The following NTRK3 variants were observed in gnomAD, a reference collection of about 807,000 sequenced individuals.
NTRK3 encodes the protein NT-3 growth factor receptor.
A neutral mutation model predicts 91.7 loss-of-function variants in NTRK3; 24 were observed. That is an observed-to-expected ratio of 0.26 (90% CI 0.19 to 0.37). NTRK3 has a LOEUF of 0.37. NTRK3 is among the 10% of genes least tolerant of loss of function. The pLI is 1.00. For missense variants in NTRK3, 880 were observed against 1,068.9 expected, an observed-to-expected ratio of 0.82 and a Z score of 2.46; for synonymous variants, 483 against 404.0, an observed-to-expected ratio of 1.20 and a Z score of -2.34.
intron 13 of NTRK3, among the ~76,000 whole-genome samples, chr15:88,066,969 G>A (rs939852789): frequency 1.2e-4 from 19 of 152,186 alleles, no homozygotes; most frequent in African/African-American, 4.3e-4. Context: ...CCACATTCCT[G>A]CATCAACTTA....
At chr15:87,930,787 C>T (rs1026925853) in intron 16 of NTRK3, among the ~76,000 whole-genome samples, 11 of 152,140 alleles carry the variant, frequency 7.2e-5, no homozygotes, top group Non-Finnish European at 1.0e-4. Context: ...ATTAATGGAA[C>T]CTACTGGGAA....
chr15:88,091,649 C>T (rs904026420), intron 13 of NTRK3, among the ~76,000 whole-genome samples: 1 of 152,096 alleles, frequency 6.6e-6, no homozygotes, highest in African/African-American at 2.4e-5. Context: ...TTAGTGATGT[C>T]TGTCATGGGC....
intron 5 of NTRK3, among the ~76,000 whole-genome samples, chr15:88,163,496 A>C (rs888121297): frequency 6.6e-6 from 1 of 152,202 alleles, no homozygotes; most frequent in Non-Finnish European, 1.5e-5. Context: ...CAAGCTCAGC[A>C]ATGTCAAATC....
rs1011631822 is a variant in NTRK3, at chr15:88,255,504, T to A, written c.248+402A>T. On this transcript the variant is annotated intron_variant, in intron 3 of 18. Coordinates refer to ENST00000394480, the Ensembl canonical transcript of NTRK3. The surrounding 1 kb of genome is among the most constrained non-coding windows in gnomAD (Gnocchi z 4.3). ...CGCCGCTGCCACCGCCGCTGCCGCC[T>A]CTGCCAAAGAATCGAACCTCGTCTA... Among the ~76,000 whole-genome samples the A allele has an allele frequency of 7.2e-5, 11 of 152,188 alleles. No individual in the cohort carries two copies. Among genetic ancestry groups the A allele is most frequent in the African/African-American group, 1.9e-4 (8 of 41,444 alleles).
chr15:88,217,973 A>G (rs977683529), intron 3 of NTRK3, among the ~76,000 whole-genome samples: 1 of 151,716 alleles, frequency 6.6e-6, no homozygotes, highest in Non-Finnish European at 1.5e-5. Context: ...TTTTAGCACA[A>G]TTTTTTAAGG....
intron 6 of NTRK3, among the ~76,000 whole-genome samples, chr15:88,142,251 C>A (rs113008358): frequency 1.3e-5 from 2 of 152,222 alleles, no homozygotes. Context: ...GGCAGTCCTG[C>A]GGAACCTAAA....
chr15:88,173,561 G>A (rs1008822682), intron 5 of NTRK3, among the ~76,000 whole-genome samples: 1 of 152,228 alleles, frequency 6.6e-6, no homozygotes, highest in Non-Finnish European at 1.5e-5. Context: ...GCCCTCCCCA[G>A]TGCCAGCCAG....
chr15:87,913,357 A>T (rs1185991539), intron 17 of NTRK3, among the ~76,000 whole-genome samples: 1 of 152,116 alleles, frequency 6.6e-6, no homozygotes. Flanking sequence ...CACTTGTGTG[A>T]ATCCAAGGTT....
chr15:88,222,216 A>G (rs1470902161), intron 3 of NTRK3, among the ~76,000 whole-genome samples: 1 of 152,238 alleles, frequency 6.6e-6, no homozygotes, highest in Admixed American at 6.5e-5. Flanking sequence ...TGTAACACAT[A>G]CATGCAACTA....
intron 17 of NTRK3, among the ~76,000 whole-genome samples, chr15:87,901,764 A>T (rs28478108): frequency 8.0e-6 from 1 of 124,470 alleles, no homozygotes; most frequent in African/African-American, 3.6e-5. Flanking sequence ...AAAGTTGGGG[A>T]GGGGGGGAGA....
At position 88,109,263 on chromosome 15, in the gene NTRK3, G is replaced by A. The variant is rs575269673; in HGVS notation, c.1396+17008C>T. 3.9e-5 allele frequency among the ~76,000 whole-genome samples: 6 copies of A among 152,280 alleles called. No homozygotes were observed. The South Asian group carries it at 1.2e-3, about 32-fold the overall frequency. On this transcript the variant is annotated intron_variant, in intron 13 of 18. Coordinates refer to ENST00000394480, the Ensembl canonical transcript of NTRK3. ...TGCAGTAGCCAGGCCTCACGCAGAG[G>A]GTGGGGAAAATTGGGGCGTTCAGTC... is the stretch of plus-strand genomic sequence containing the variant.
At chr15:88,133,605 C>G (rs1270688625) in intron 10 of NTRK3, among the ~76,000 whole-genome samples, 1 of 152,214 alleles carries the variant, frequency 6.6e-6, no homozygotes, top group South Asian at 2.1e-4. Context: ...GGCAACGTTT[C>G]AGTCTTTTAT....
Position 88,135,316 on chromosome 15 carries a change from G to T in NTRK3, c.989C>A (p.Pro330Gln), listed in dbSNP as rs753629333. 9.3e-6 allele frequency: 15 copies of T among 1,614,180 alleles called. No individual in the cohort carries two copies. In the East Asian group the frequency reaches 1.1e-4, roughly 12 times the overall value. The change falls in exon 10 of 19, where the codon CCA becomes CAA. Residue 330 changes from proline (P) to glutamine (Q), a missense_variant. Physicochemically the swap from Pro to Gln is moderately conservative, Grantham distance 76 (BLOSUM62 -1). Transcript: ENST00000394480. ...ATTGTGCAGCCAGTGCAGCGTTGGT[G>T]GGGGGTTGCCACGCACCACAAACTC...
At chr15:88,093,699 T>A (rs1162394474) in intron 13 of NTRK3, among the ~76,000 whole-genome samples, 1 of 152,158 alleles carries the variant, frequency 6.6e-6, no homozygotes, top group Non-Finnish European at 1.5e-5. Context: ...ATGGGCATAA[T>A]CTGCCATGAG....
chr15:88,023,724 C>A (rs1256277444), intron 14 of NTRK3, among the ~76,000 whole-genome samples: 1 of 152,184 alleles, frequency 6.6e-6, no homozygotes, highest in East Asian at 1.9e-4. Flanking sequence ...CCTGGTATGC[C>A]AACCTACCCT....
At chr15:88,213,080 C>T (rs1337267346) in intron 3 of NTRK3, among the ~76,000 whole-genome samples, 2 of 152,212 alleles carry the variant, frequency 1.3e-5, no homozygotes, top group African/African-American at 4.8e-5. Context: ...TCTTTCTATG[C>T]CTGACTGAGA....
intron 5 of NTRK3, among the ~76,000 whole-genome samples, chr15:88,182,115 G>A (rs908394254): frequency 1.3e-5 from 2 of 152,092 alleles, no homozygotes; most frequent in Non-Finnish European, 2.9e-5. Flanking sequence ...AGCTGAAAGG[G>A]AGGTCTCAGT....
intron 13 of NTRK3, among the ~76,000 whole-genome samples, chr15:88,053,423 G>T (rs553547146): frequency 2.0e-5 from 3 of 152,202 alleles, no homozygotes; most frequent in African/African-American, 7.2e-5. Flanking sequence ...GCCGGACCAT[G>T]CAAAGGGTAT....
At chr15:88,136,548 A>T (rs774907890) in exon 8 of NTRK3, 1 of 1,614,004 alleles carries the variant, frequency 6.2e-7, no homozygotes, top group Non-Finnish European at 8.5e-7. Flanking sequence ...TGCAAGTGAT[A>T]ACAGCGTTGT....
Sources: gnomAD v4.1 joint callset for allele counts (sites outside exome capture counted in the v4.1 genomes callset) on GRCh38, gnomAD v4.1.1 for gene constraint, Gnocchi (gnomAD v3.1) non-coding constraint, MANE v1.5 for transcripts, NCBI Gene and HGNC (gene_info 2026-07-23, HGNC 2026-07-21) for gene names.